ATP1A3: variants seen among roughly 807,000 people sequenced by gnomAD.
ATP1A3 encodes the protein sodium/potassium-transporting ATPase subunit alpha-3.
Under a neutral mutation model 108.8 loss-of-function variants are expected in ATP1A3, and 12 were observed. The observed-to-expected ratio is 0.11, with a 90% CI of 0.07 to 0.18. The LOEUF (loss-of-function observed/expected upper bound fraction) is 0.18. Among genes scored for constraint, ATP1A3 ranks in the 10% least tolerant of loss-of-function variants. The probability of loss-of-function intolerance (pLI) is 1.00; values close to 1 mark genes in which losing one functional copy is unlikely to be tolerated. For missense variants in ATP1A3, 498 were observed against 1,387.7 expected, an observed-to-expected ratio of 0.36 and a Z score of 10.19; for synonymous variants, 539 against 564.5, an observed-to-expected ratio of 0.95 and a Z score of 0.64.
At chr19:41,993,770 C>G (rs2075362460) in intron 1 of ATP1A3, 1 of 609,966 alleles carries the variant, frequency 1.6e-6, no homozygotes, top group South Asian at 2.0e-5. Context: ...GAGCCAGCAG[C>G]TCTCATACGC....
At chr19:41,983,603 A>AATT (rs1196350965) in intron 8 of ATP1A3, among the ~76,000 whole-genome samples, 7 of 144,784 alleles carry the variant, frequency 4.8e-5, no homozygotes, top group Non-Finnish European at 9.0e-5. Context: ...TTATTATAAT[A>AATT]ATTATTATTA....
rs782287580 is a variant in ATP1A3, at chr19:41,988,407, G to T, written c.94-30C>A. 1 of 1,614,198 alleles carries T rather than the reference G, an allele frequency of 6.2e-7. No individual in the cohort carries two copies. Among genetic ancestry groups the T allele is most frequent in the Non-Finnish European group, 8.5e-7 (1 of 1,180,032 alleles). On this transcript the variant is annotated intron_variant, in intron 2 of 22. Transcript: ENST00000648268. This position sits in a 1 kb window ranked among gnomAD's most constrained non-coding sequence, Gnocchi z 5.3. Reference sequence around the variant, plus strand: ...GGAACAGGAGTTTGGGGGAGACGGTGAGTGCCTAGGCCAGCCAAGAACTGG... The same window carrying T: ...GGAACAGGAGTTTGGGGGAGACGGTTAGTGCCTAGGCCAGCCAAGAACTGG...
At position 41,977,924 on chromosome 19, in the gene ATP1A3, T is replaced by A. The variant is rs201197776; in HGVS notation, c.1943+12A>T. 2.3e-3 allele frequency: 3,684 copies of A among 1,613,942 alleles called. 22 individuals carry two copies. Among genetic ancestry groups the A allele is most frequent in the Middle Eastern group, 0.02 (122 of 6,060 alleles). On this transcript the variant is annotated intron_variant, in intron 14 of 22. Coordinates refer to ENST00000648268, the MANE Select transcript of ATP1A3 (RefSeq NM_152296.5). ...GGGATGTCCAGGGCCCTGGCTGGGA[T>A]GGGTGGCTCACCGGGGGTTAACCTG...
chr19:41,991,703 C>T (rs184597842), intron 1 of ATP1A3, among the ~76,000 whole-genome samples: 3 of 152,186 alleles, frequency 2.0e-5, no homozygotes, highest in South Asian at 2.1e-4. Context: ...AGGGCTGGGC[C>T]GGACTCTCAG....
intron 11 of ATP1A3, among the ~76,000 whole-genome samples, chr19:41,980,793 C>T (rs1418780073): frequency 1.3e-5 from 2 of 151,940 alleles, no homozygotes; most frequent in Admixed American, 6.6e-5. Context: ...CGCCTGTAGT[C>T]CCAGCTATTC....
rs779560488 is a variant in ATP1A3 at position 41,981,457 on chromosome 19, A to G, written c.1437+45T>C. The stretch of plus-strand genomic sequence containing the variant: ...ATGACACCTCTTTACAGGCGTCATA[A>G]GGAACCTGAGGTCCAGGCTGGCTCT... On this transcript the variant is annotated intron_variant, in intron 11 of 22. Coordinates refer to ENST00000648268, the MANE Select transcript of ATP1A3 (RefSeq NM_152296.5). The surrounding 1 kb of genome is among the most constrained non-coding windows in gnomAD (Gnocchi z 5.0). The G allele has an allele frequency of 2.4e-5, 38 of 1,613,944 alleles. No individual in the cohort carries two copies. The highest frequency in any genetic ancestry group is 3.1e-5 in the Non-Finnish European group (36 of 1,179,996).
chr19:41,979,812 T>C (rs889521449), intron 11 of ATP1A3, among the ~76,000 whole-genome samples: 4 of 152,328 alleles, frequency 2.6e-5, no homozygotes, highest in Middle Eastern at 3.4e-3. Flanking sequence ...ACTAAAACTA[T>C]TAAATTATAC....
chr19:41,967,309 T>C lies in ATP1A3; in HGVS notation c.2953A>G (p.Ser985Gly), dbSNP rs1599702734. The C allele has an allele frequency of 3.1e-6, 5 of 1,611,786 alleles. No individual in the cohort carries two copies. Among genetic ancestry groups the C allele is most frequent in the Non-Finnish European group, 4.2e-6 (5 of 1,179,950 alleles). ...PSWWFCAFPYSFLIFVYDEIR... is the reference protein window; with the variant it reads ...PSWWFCAFPYGFLIFVYDEIR... ...TCGTCGTAGACGAAGATGAGGAAAC[T>C]GTAGGGGAAGGCACAGAACCACCAG... Residue 985 changes from serine (S) to glycine (G), a missense_variant, in exon 22 of 23, where the codon AGT (serine) becomes GGT (glycine). Ser to Gly is a moderately conservative substitution (Grantham distance 56). Coordinates refer to ENST00000648268, the MANE Select transcript of ATP1A3 (RefSeq NM_152296.5). The surrounding 1 kb of genome is among the most constrained non-coding windows in gnomAD (Gnocchi z 4.2).
intron 15 of ATP1A3, among the ~76,000 whole-genome samples, 198 bp from the exon 16 acceptor site, chr19:41,975,995 A>C (rs1258445959): frequency 9.6e-3 from 903 of 94,110 alleles, no homozygotes; most frequent in Middle Eastern, 0.026. Flanking sequence ...AGACCCCCAG[A>C]CCCTCCTCCC....
At position 41,967,801 on chromosome 19, in the gene ATP1A3, A is replaced by T. The variant is rs1555858981; in HGVS notation, c.2820-38T>A. 6.3e-7 allele frequency: 1 copy of T among 1,594,262 alleles called. No individual in the cohort carries two copies. The highest frequency in any genetic ancestry group is 2.2e-5 in the East Asian group (1 of 44,498). ...AAGGGCAGGGCTGGGCCCAGAGAGC[A>T]CCCACCCTGCACCTGCCACCCCGCA... On this transcript the variant is annotated intron_variant, in intron 20 of 22. Transcript: ENST00000648268. This position sits in a 1 kb window ranked among gnomAD's most constrained non-coding sequence, Gnocchi z 4.2.
At chr19:41,971,807 G>C (rs1268159167) in intron 16 of ATP1A3, among the ~76,000 whole-genome samples, 3 of 152,138 alleles carry the variant, frequency 2.0e-5, no homozygotes, top group Non-Finnish European at 4.4e-5. Flanking sequence ...CTGGGGTCTG[G>C]TGGTTGCATG....
chr19:41,971,995 A>G (rs550850814), intron 16 of ATP1A3, among the ~76,000 whole-genome samples: 1 of 152,318 alleles, frequency 6.6e-6, no homozygotes, highest in Admixed American at 6.5e-5. Flanking sequence ...CACACCTGTA[A>G]TCCCAACACT....
At chr19:41,972,569 A>G (rs1555860143) in intron 16 of ATP1A3, among the ~76,000 whole-genome samples, 1 of 151,944 alleles carries the variant, frequency 6.6e-6, no homozygotes, top group African/African-American at 2.4e-5. Flanking sequence ...GATCGAGACT[A>G]TCCTGGCCAA....
intron 1 of ATP1A3, chr19:41,993,863 C>G (rs782635460): frequency 8.7e-5 from 81 of 933,076 alleles, no homozygotes; most frequent in Non-Finnish European, 1.2e-4. Flanking sequence ...TCTCCGCACA[C>G]AAAGCCATGC....
rs781983476 is a variant in ATP1A3 at position 41,985,059 on chromosome 19, G to A, written c.852C>T (p.Leu284=). ...CCAGGAAGACAGCCACGCCGGTGAT[G>A]AGCTGGATGAAGTGCTCAATCTCGA... The part of the protein sequence containing the change: ...IAIEIEHFIQ[L]ITGVAVFLGV... The change falls in exon 8 of 23, where the codon CTC becomes CTT. Residue 284 remains leucine, a synonymous_variant. Coordinates refer to ENST00000648268, the MANE Select transcript of ATP1A3 (RefSeq NM_152296.5). This position sits in a 1 kb window ranked among gnomAD's most constrained non-coding sequence, Gnocchi z 8.2. 23 of 1,613,844 alleles carry A rather than the reference G, an allele frequency of 1.4e-5. 2 individuals are homozygous for A. The South Asian group carries it at 2.5e-4, about 18-fold the overall frequency.
At chr19:41,984,263 T>C (rs1186090485) in intron 8 of ATP1A3, 2 of 152,238 alleles carry the variant, frequency 1.3e-5, no homozygotes, top group African/African-American at 4.8e-5. Context: ...TTCACTCTTG[T>C]CACCCAGGCT....
In ATP1A3 at chr19:41,969,018, G is replaced by GGGGTCCTC. The variant is rs1416473428; in HGVS notation, c.2689-111_2689-104dup. 3 of 1,541,370 alleles carry GGGGTCCTC rather than the reference G, an allele frequency of 1.9e-6. No homozygotes were observed. The African/African-American group carries it at 4.1e-5, about 21-fold the overall frequency. On this transcript the variant is annotated intron_variant, in intron 19 of 22. Coordinates refer to ENST00000648268, the MANE Select transcript of ATP1A3 (RefSeq NM_152296.5). ...CTCTTTGCCCCGCCCCATCCTGCAT[G>GGGGTCCTC]GGGTCCTCAGGGCCTCAGGTGTGTC...
At position 41,981,793 on chromosome 19, in the gene ATP1A3, G is replaced by A; in HGVS notation, c.1231C>T (p.Leu411=). Residue 411 remains leucine, a synonymous_variant, in exon 10 of 23, where the codon CTG becomes TTG. Transcript: ENST00000648268. The surrounding 1 kb of genome is among the most constrained non-coding windows in gnomAD (Gnocchi z 5.0). Reference sequence around the variant, plus strand: ...TTGCAGAGCCCAGCGATGTGAGACAGGGCCACCCAGGTGTGCGAACTCTTG... The same window carrying A: ...TTGCAGAGCCCAGCGATGTGAGACAAGGCCACCCAGGTGTGCGAACTCTTG... ...FDKSSHTWVA[L]SHIAGLCNRA... 1 of 1,614,248 alleles carries A rather than the reference G, an allele frequency of 6.2e-7. No homozygotes were observed. The highest frequency in any genetic ancestry group is 8.5e-7 in the Non-Finnish European group (1 of 1,180,038).
Position 41,978,157 on chromosome 19 carries a change from G to A in ATP1A3, c.1800C>T (p.Gly600=). 6.2e-7 allele frequency: 1 copy of A among 1,614,204 alleles called. No individual in the cohort carries two copies. The highest frequency in any genetic ancestry group is 8.5e-7 in the Non-Finnish European group (1 of 1,180,044). Residue 600 remains glycine (G), a synonymous_variant, in exon 13 of 23, where the codon GGC becomes GGT. Coordinates refer to ENST00000648268, the MANE Select transcript of ATP1A3 (RefSeq NM_152296.5). This position sits in a 1 kb window ranked among gnomAD's most constrained non-coding sequence, Gnocchi z 8.3. ...PDAVGKCRSA[G]IKVIMVTGDH... is the part of the protein sequence containing the mutation. The stretch of plus-strand genomic sequence containing the variant: ...CAGCCACCCCAAGCCACACCTTGAT[G>A]CCTGCGCTGCGACACTTGCCCACCG...
Sources: allele counts gnomAD v4.1 joint callset (sites outside exome capture counted in the v4.1 genomes callset), GRCh38; gene constraint gnomAD v4.1.1; non-coding constraint Gnocchi (gnomAD v3.1); transcripts MANE v1.5; gene names NCBI Gene and HGNC (gene_info 2026-07-23, HGNC 2026-07-21).